Variants in SLC24A1 observed in about 807,000 individuals in gnomAD.
The protein encoded by SLC24A1 is solute carrier family 24 member 1, also known as sodium/potassium/calcium exchanger 1.
Under a neutral mutation model 88.1 loss-of-function variants are expected in SLC24A1, and 52 were observed. That is an observed-to-expected ratio of 0.59 (90% CI 0.47 to 0.74). SLC24A1 has a LOEUF of 0.74. Among genes scored for constraint, SLC24A1 ranks in the 30% least tolerant of loss-of-function variants. SLC24A1 has a pLI of 0.00. For missense variants in SLC24A1, 1,173 were observed against 1,363.3 expected (o/e 0.86, Z 2.20); for synonymous variants, 455 against 498.0 (o/e 0.91, Z 1.15).
upstream of SLC24A1, among the ~76,000 whole-genome samples, chr15:65,619,542 TAA>T (rs1005672321): frequency 1.1e-4 from 16 of 142,306 alleles, no homozygotes; most frequent in Admixed American, 2.1e-4. Flanking sequence ...TCTGCCAGAT[TAA>T]AAAAAAAAAA....
chr15:65,615,530 A>C (rs2074109336), intron 2 of SLC24A1, among the ~76,000 whole-genome samples: 1 of 152,026 alleles, frequency 6.6e-6, no homozygotes, highest in African/African-American at 2.4e-5. Context: ...TAAAAATACA[A>C]AAATTAGCCG....
At chr15:65,656,955 C>T (rs976352431), downstream of SLC24A1, among the ~76,000 whole-genome samples, 1 of 152,204 alleles carries the variant, frequency 6.6e-6, no homozygotes, top group African/African-American at 2.4e-5. Context: ...ACTGTAGCCT[C>T]ACCTTGTGGG....
chr15:65,618,925 CT>C (rs892311373), upstream of SLC24A1: 1 of 152,242 alleles, frequency 6.6e-6, no homozygotes, highest in Admixed American at 6.5e-5. Flanking sequence ...GGATGAAATC[CT>C]GTCTCTGAGC....
At chr15:65,653,107 G>A (rs1189196221) in intron 9 of SLC24A1, among the ~76,000 whole-genome samples, 2 of 152,146 alleles carry the variant, frequency 1.3e-5, no homozygotes, top group African/African-American at 4.8e-5. Context: ...CTTTCAAGGC[G>A]GTGGAGGTAG....
chr15:65,639,572 T>A (rs1566957511), intron 3 of SLC24A1, 23 bp from the exon 4 acceptor site: 2 of 1,557,756 alleles, frequency 1.3e-6, no homozygotes, highest in South Asian at 2.3e-5. Context: ...AGGGGCCCAC[T>A]GTGCGGCTCT....
chr15:65,636,830 T>C (rs949388433), intron 2 of SLC24A1, among the ~76,000 whole-genome samples: 2 of 151,422 alleles, frequency 1.3e-5, no homozygotes, highest in African/African-American at 4.9e-5. Flanking sequence ...GAGGCGATAT[T>C]GCACCACTGC....
At chr15:65,644,883 G>A (rs1173122488) in intron 5 of SLC24A1, among the ~76,000 whole-genome samples, 2 of 152,158 alleles carry the variant, frequency 1.3e-5, no homozygotes, top group African/African-American at 2.4e-5. Context: ...TGTCTCTTCT[G>A]TACAAGGACA....
chr15:65,651,024 G>C, intron 7 of SLC24A1, 82 bp downstream of exon 7: 1 of 1,178,390 alleles, frequency 8.5e-7, no homozygotes, highest in Non-Finnish European at 1.3e-6. Context: ...TCACACTCAA[G>C]AGGAGGAAGA....
At chr15:65,640,927 G>A (rs1415284760) in intron 4 of SLC24A1, among the ~76,000 whole-genome samples, 1 of 152,098 alleles carries the variant, frequency 6.6e-6, no homozygotes, top group Admixed American at 6.5e-5. Flanking sequence ...CAGGCGTGGT[G>A]GCAGGCGCCT....
At chr15:65,631,932 A>C (rs2074742518) in intron 2 of SLC24A1, among the ~76,000 whole-genome samples, 1 of 152,114 alleles carries the variant, frequency 6.6e-6, no homozygotes, top group African/African-American at 2.4e-5. Flanking sequence ...CCCAGGTTCA[A>C]GTGATTCTCC....
At chr15:65,614,782 G>A (rs540962683) in intron 2 of SLC24A1, among the ~76,000 whole-genome samples, 1 of 152,304 alleles carries the variant, frequency 6.6e-6, no homozygotes, top group Non-Finnish European at 1.5e-5. Context: ...TGTGATGGTG[G>A]ATATGCATTT....
intron 1 of SLC24A1, among the ~76,000 whole-genome samples, chr15:65,623,551 C>G (rs2074392640): frequency 1.3e-5 from 2 of 152,212 alleles, no homozygotes; most frequent in South Asian, 4.1e-4. Context: ...GCCATATCTC[C>G]CTACCTCCTT....
Position 65,624,747 on chromosome 15 carries a change from A to G in SLC24A1, c.667A>G (p.Ser223Gly), listed in dbSNP as rs749097040. 6 of 1,613,600 alleles carry G rather than the reference A, an allele frequency of 3.7e-6. 1 individual carries two copies. In the South Asian group the frequency reaches 6.6e-5, roughly 18 times the overall value. The change falls in exon 2 of 10, where the codon AGT becomes GGT. Residue 223 changes from serine to glycine, a missense_variant. Coordinates refer to ENST00000261892, the MANE Select transcript of SLC24A1 (RefSeq NM_004727.3). ...AITPRTTVKD[S>G]DITATYKILE... ...CACCCCCAGGACAACAGTGAAAGAC[A>G]GTGACATTACAGCAACCTATAAAAT...
chr15:65,611,408 G>A lies in SLC24A1; in HGVS notation c.-621G>A. On this transcript the variant is annotated 5_prime_UTR_variant, in exon 1 of 12. Coordinates refer to the SLC24A1 transcript ENST00000537259. Reference sequence around the variant, plus strand: ...GTTTCCTGCCGTGTCTCTCTGCATTGCCCTGAATCTCTCCCCATTCTCGGG... The same window carrying A: ...GTTTCCTGCCGTGTCTCTCTGCATTACCCTGAATCTCTCCCCATTCTCGGG... 4 of 579,442 alleles carry A rather than the reference G, an allele frequency of 6.9e-6. No homozygotes were observed. In the East Asian group the frequency reaches 8.6e-5, roughly 12 times the overall value. 35.9% of individuals were successfully genotyped at this position (579,442 alleles called of 1,614,324 possible).
At chr15:65,615,135 C>T (rs1596291315) in intron 2 of SLC24A1, among the ~76,000 whole-genome samples, 2 of 152,088 alleles carry the variant, frequency 1.3e-5, no homozygotes, top group South Asian at 4.1e-4. Context: ...ATTGTTTGAG[C>T]CCAACAGTTC....
chr15:65,617,488 C>T (rs2074185842), upstream of SLC24A1, among the ~76,000 whole-genome samples: 1 of 152,156 alleles, frequency 6.6e-6, no homozygotes, highest in Admixed American at 6.5e-5. Context: ...CTCTTTGTAG[C>T]AATTGTGAAC....
chr15:65,644,627 G>A (rs2075244955), intron 5 of SLC24A1, 114 bp downstream of exon 5: 3 of 702,842 alleles, frequency 4.3e-6, no homozygotes, highest in Non-Finnish European at 7.5e-6. Flanking sequence ...GCACATCTTT[G>A]GCCTCTGTGA....
chr15:65,643,448 A>C (rs1298711296), intron 4 of SLC24A1, among the ~76,000 whole-genome samples: 1 of 152,138 alleles, frequency 6.6e-6, no homozygotes, highest in African/African-American at 2.4e-5. Flanking sequence ...TCCCAAAGTC[A>C]CCCGGTGCTC....
downstream of SLC24A1, chr15:65,658,526 G>C (rs889445003): frequency 3.9e-5 from 6 of 152,234 alleles, no homozygotes; most frequent in Non-Finnish European, 5.9e-5. Flanking sequence ...AGTAGAGGTT[G>C]AGTATCCCTT....
Sources: allele counts gnomAD v4.1 joint callset (sites outside exome capture counted in the v4.1 genomes callset), GRCh38; gene constraint gnomAD v4.1.1; transcripts MANE v1.5; gene names NCBI Gene and HGNC (gene_info 2026-07-23, HGNC 2026-07-21).